RGS6: variants seen among roughly 807,000 people sequenced by gnomAD.
RGS6 encodes regulator of G protein signaling 6, also known as regulator of G-protein signaling 6.
A neutral mutation model predicts 78.5 loss-of-function variants in RGS6; 30 were observed. The ratio of observed to expected loss-of-function variants is 0.38; its 90% CI spans 0.29 to 0.52. RGS6 has a LOEUF of 0.52. RGS6 is among the 20% of genes least tolerant of loss of function. RGS6 has a pLI of 0.85. For synonymous variants in RGS6, 206 were observed against 206.0 expected, an observed-to-expected ratio of 1.00 and a Z score of 0.00; for missense variants, 495 against 609.7, an observed-to-expected ratio of 0.81 and a Z score of 1.98.
At chr14:72,148,194 G>A (rs1191231627) in intron 2 of RGS6, among the ~76,000 whole-genome samples, 2 of 142,956 alleles carry the variant, frequency 1.4e-5, no homozygotes, top group Admixed American at 7.1e-5. Context: ...AGGAGTTCAA[G>A]ACCAGCCTGG....
At chr14:72,327,948 GA>G (rs1339162730) in intron 2 of RGS6, among the ~76,000 whole-genome samples, 3 of 152,212 alleles carry the variant, frequency 2.0e-5, no homozygotes, top group Admixed American at 6.5e-5. Flanking sequence ...TTTATTGTGG[GA>G]ATTTGTTCAC....
rs185146765 is a variant in RGS6, at chr14:72,269,321, G to C, written c.85-82774G>C. 2.1e-3 allele frequency among the ~76,000 whole-genome samples: 326 copies of C among 152,292 alleles called. 3 individuals are homozygous for C. Among genetic ancestry groups the C allele is most frequent in the Non-Finnish European group, 1.7e-3 (115 of 68,024 alleles). On this transcript the variant is annotated intron_variant, in intron 2 of 17. Transcript: ENST00000553525. ...CTTTGGGCAATCCCATTGCATTCCA[G>C]ATAAAAGCGGAAGTCCTTAGAGTAC...
chr14:72,140,494 C>A (rs545967765), intron 2 of RGS6, among the ~76,000 whole-genome samples: 1 of 152,310 alleles, frequency 6.6e-6, no homozygotes, highest in East Asian at 1.9e-4. Context: ...TAGGACTCAG[C>A]AAGCCATGCT....
intron 2 of RGS6, among the ~76,000 whole-genome samples, chr14:72,063,012 CA>C (rs1345330971): frequency 6.6e-6 from 1 of 151,954 alleles, no homozygotes; most frequent in African/African-American, 2.4e-5. Context: ...TTAGCAGAGA[CA>C]GGGTTTTGGC....
intron 2 of RGS6, among the ~76,000 whole-genome samples, chr14:72,167,068 A>G (rs2096938327): frequency 6.6e-6 from 1 of 152,042 alleles, no homozygotes; most frequent in Non-Finnish European, 1.5e-5. Context: ...TTTTCATACC[A>G]GTTCCCTGCT....
intron 2 of RGS6, among the ~76,000 whole-genome samples, chr14:72,263,641 C>A (rs995942350): frequency 6.6e-6 from 1 of 152,154 alleles, no homozygotes; most frequent in African/African-American, 2.4e-5. Flanking sequence ...GTGCCCTTAT[C>A]AAAGAGGCTT....
intron 2 of RGS6, among the ~76,000 whole-genome samples, chr14:72,341,594 T>G (rs758388572): frequency 2.0e-5 from 3 of 152,030 alleles, no homozygotes; most frequent in Non-Finnish European, 4.4e-5. Context: ...TCAGGAGAGT[T>G]TTGCAGATAA....
At chr14:72,502,546 A>T (rs1337434525) in intron 13 of RGS6, among the ~76,000 whole-genome samples, 1 of 152,210 alleles carries the variant, frequency 6.6e-6, no homozygotes, top group Non-Finnish European at 1.5e-5. Context: ...CAAGCGGATC[A>T]CGAGGTCAGG....
intron 2 of RGS6, among the ~76,000 whole-genome samples, chr14:72,098,228 G>A (rs2095449765): frequency 6.6e-6 from 1 of 152,158 alleles, no homozygotes; most frequent in South Asian, 2.1e-4. Context: ...GGTCCTCTTT[G>A]AACCCTCTGG....
chr14:71,987,902 G>A (rs1324530924), intron 2 of RGS6, among the ~76,000 whole-genome samples: 1 of 148,784 alleles, frequency 6.7e-6, no homozygotes, highest in African/African-American at 2.5e-5. Flanking sequence ...ATCTGGCATA[G>A]TAGAAGACTT....
intron 2 of RGS6, among the ~76,000 whole-genome samples, chr14:71,996,177 G>C (rs1261671609): frequency 1.4e-5 from 2 of 141,990 alleles, no homozygotes; most frequent in Non-Finnish European, 3.1e-5. Flanking sequence ...TTTGTGATTT[G>C]GGACACTGAC....
In RGS6 at chr14:72,472,995, AT is replaced by A; in HGVS notation, c.618+44del. 2.8e-6 allele frequency: 4 copies of A among 1,435,134 alleles called. 1 individual carries two copies. The South Asian group carries it at 5.1e-5, about 18-fold the overall frequency. The allele number at this position is 1,435,134 out of a possible 1,614,324, so 88.9% of individuals were successfully genotyped here. ...CAATTCTCTAGATTTTTTTTTCTTA[AT>A]TGTTCATTTTTATCTCTATAAAGAA... On this transcript the variant is annotated intron_variant, in intron 9 of 17. Transcript: ENST00000553525.
At chr14:72,118,102 G>C (rs142979391) in intron 2 of RGS6, among the ~76,000 whole-genome samples, 2 of 151,990 alleles carry the variant, frequency 1.3e-5, no homozygotes, top group Admixed American at 6.6e-5. Context: ...TCTGGTGCTC[G>C]TGTGTGTACA....
In RGS6 at chr14:72,114,403, A is replaced by G. The variant is rs141466448; in HGVS notation, c.84+149528A>G. On this transcript the variant is annotated intron_variant, in intron 2 of 17. Transcript: ENST00000553525. ...TTACCTTCTGAAAGCCATTCCTAGG[A>G]CAATCATTAAAACCTATGGTAGTTG... is the stretch of plus-strand genomic sequence containing the variant. Among the ~76,000 whole-genome samples the G allele has an allele frequency of 1.9e-3, 289 of 152,260 alleles. 1 individual carries two copies. The highest frequency in any genetic ancestry group is 0.017 in the Middle Eastern group (5 of 294).
Position 72,152,249 on chromosome 14 carries a change from T to A in RGS6, c.84+187374T>A, listed in dbSNP as rs111327497. On this transcript the variant is annotated intron_variant, in intron 2 of 17. Coordinates refer to ENST00000553525, the MANE Select transcript of RGS6 (RefSeq NM_001204424.2). ...GAGAGAGAGAGAGAGAGAGAGAGTGTGTGTGTGTGTGTGTGTGTGTGTGTG... is the reference window on the plus strand; with the variant it reads ...GAGAGAGAGAGAGAGAGAGAGAGTGAGTGTGTGTGTGTGTGTGTGTGTGTG... Among the ~76,000 whole-genome samples, 1,193 of 132,290 alleles carry A rather than the reference T, an allele frequency of 9.0e-3. 27 individuals carry two copies. Among genetic ancestry groups the A allele is most frequent in the Admixed American group, 0.063 (850 of 13,544 alleles). The allele number at this position is 132,290 out of a possible 152,430, so 86.8% of individuals were successfully genotyped here.
At chr14:71,930,139 A>T (rs1404836836), upstream of RGS6, among the ~76,000 whole-genome samples, 1 of 149,860 alleles carries the variant, frequency 6.7e-6, no homozygotes, top group East Asian at 1.9e-4. Context: ...ATCACCATAT[A>T]CACACACATA....
chr14:72,463,079 A>G (rs568866033), intron 6 of RGS6, among the ~76,000 whole-genome samples: 45 of 152,326 alleles, frequency 3.0e-4, no homozygotes, highest in African/African-American at 1.1e-3. Context: ...CCTTTATACA[A>G]TTTTTAAATA....
intron 2 of RGS6, among the ~76,000 whole-genome samples, chr14:72,338,093 G>C (rs193129668): frequency 6.6e-6 from 1 of 152,312 alleles, no homozygotes; most frequent in Non-Finnish European, 1.5e-5. Flanking sequence ...CCCTTGACAA[G>C]GTGCTACCTG....
chr14:72,116,986 AAGAG>A (rs1413022954), intron 2 of RGS6, among the ~76,000 whole-genome samples: 1 of 143,684 alleles, frequency 7.0e-6, no homozygotes, highest in Non-Finnish European at 1.5e-5. Context: ...AAAAAAAAAA[AAGAG>A]AGTTTAAAGT....
Sources: allele counts gnomAD v4.1 joint callset (sites outside exome capture counted in the v4.1 genomes callset), GRCh38; gene constraint gnomAD v4.1.1; transcripts MANE v1.5; gene names NCBI Gene and HGNC (gene_info 2026-07-23, HGNC 2026-07-21).